Variants in SMARCAD1 observed in about 807,000 individuals in gnomAD.
The protein encoded by SMARCAD1 is SWI/SNF-related matrix-associated actin-dependent regulator of chromatin subfamily A containing DEAD/H box 1.
SMARCAD1 carries 25 observed loss-of-function variants against 127.1 expected under a neutral mutation model. The ratio of observed to expected loss-of-function variants is 0.20; its 90% CI spans 0.14 to 0.27. The LOEUF is 0.27. SMARCAD1 is among the 10% of genes least tolerant of loss of function. The pLI, the probability that SMARCAD1 is intolerant of heterozygous loss-of-function variation, is 1.00. For missense variants in SMARCAD1, 807 were observed against 1,206.0 expected (o/e 0.67, Z 4.90); for synonymous variants, 400 against 396.9 (o/e 1.01, Z -0.09).
intron 19 of SMARCAD1, among the ~76,000 whole-genome samples, chr4:94,280,297 A>T (rs536603891): frequency 6.6e-6 from 1 of 152,286 alleles, no homozygotes; most frequent in South Asian, 2.1e-4. Context: ...ATTTGATAAT[A>T]ACACCACCCT....
Position 94,274,870 on chromosome 4 carries a change from T to G in SMARCAD1, c.1733-20T>G. 1 of 1,603,514 alleles carries G rather than the reference T, an allele frequency of 6.2e-7. No homozygotes were observed. Among genetic ancestry groups the G allele is most frequent in the South Asian group, 1.1e-5 (1 of 90,838 alleles). On this transcript the variant is annotated intron_variant, in intron 13 of 23. Transcript: ENST00000354268. Reference sequence around the variant, plus strand: ...TACAGCACAATAAATAGTCATGTGTTTATTGTTTTTAAATTCTAGGTTCTC... The same window carrying G: ...TACAGCACAATAAATAGTCATGTGTGTATTGTTTTTAAATTCTAGGTTCTC...
chr4:94,276,866 A>G (rs575101540), intron 15 of SMARCAD1, among the ~76,000 whole-genome samples, 156 bp from the exon 16 acceptor site: 25 of 152,352 alleles, frequency 1.6e-4, no homozygotes, highest in African/African-American at 5.0e-4. Context: ...GCGGACGTCA[A>G]TTATTTAAAT....
chr4:94,281,275 T>C (rs371580989), intron 20 of SMARCAD1, among the ~76,000 whole-genome samples, 197 bp from the exon 21 acceptor site: 12 of 152,342 alleles, frequency 7.9e-5, no homozygotes, highest in African/African-American at 2.9e-4. Context: ...GTTAAGGCAG[T>C]TTATTCATAT....
At chr4:94,279,296 A>G (rs1400641065) in intron 19 of SMARCAD1, among the ~76,000 whole-genome samples, 4 of 152,056 alleles carry the variant, frequency 2.6e-5, no homozygotes, top group African/African-American at 9.7e-5. Flanking sequence ...ACAGGCACGC[A>G]CCACCATGCC....
intron 6 of SMARCAD1, among the ~76,000 whole-genome samples, chr4:94,243,136 A>G (rs1003429221): frequency 7.9e-5 from 12 of 151,916 alleles, no homozygotes; most frequent in Non-Finnish European, 1.5e-5. Context: ...TTTGTGTTTC[A>G]CCATATTAGC....
chr4:94,284,912 A>G (rs762027417), intron 22 of SMARCAD1, 48 bp from the exon 23 acceptor site: 7 of 1,114,054 alleles, frequency 6.3e-6, no homozygotes, highest in African/African-American at 1.6e-5. Context: ...CATATATCCA[A>G]ATAACTATAT....
chr4:94,252,864 G>T lies in SMARCAD1; in HGVS notation c.1138G>T (p.Val380Leu). Residue 380 changes from valine to leucine, a missense_variant, in exon 9 of 24, where the codon GTG (valine) becomes TTG (leucine). By Grantham distance (32) the Val-to-Leu change is conservative. Coordinates refer to ENST00000354268, the MANE Select transcript of SMARCAD1 (RefSeq NM_020159.5). ...TGAGGACTATAGTAGTGGTGAAGAA[G>T]TGATGGAGGATGGCTATAAAGGTAA... Reference protein sequence around the residue: ...LDEDYSSGEEVMEDGYKGKIL... With the variant: ...LDEDYSSGEELMEDGYKGKIL... The T allele has an allele frequency of 1.2e-6, 2 of 1,614,120 alleles. No homozygotes were observed. The highest frequency in any genetic ancestry group is 1.7e-6 in the Non-Finnish European group (2 of 1,179,998).
Position 94,264,898 on chromosome 4 carries a change from A to G in SMARCAD1, c.1473A>G (p.Leu491=). 1 of 1,610,624 alleles carries G rather than the reference A, an allele frequency of 6.2e-7. No individual in the cohort carries two copies. The highest frequency in any genetic ancestry group is 8.5e-7 in the Non-Finnish European group (1 of 1,177,202). The change falls in exon 10 of 24, where the codon CTA becomes CTG. Residue 491 remains leucine, a synonymous_variant. Transcript: ENST00000354268. ...GGAACATAGAACAACCTTCCATTCT[A>G]AACCAAAGGTAATCTTTGTTGAATA... ...GGWNIEQPSI[L]NQSLSLKPYQ...
intron 2 of SMARCAD1, among the ~76,000 whole-genome samples, chr4:94,222,423 C>G (rs969272010): frequency 6.6e-6 from 1 of 151,896 alleles, no homozygotes; most frequent in Non-Finnish European, 1.5e-5. Flanking sequence ...TGTATCATAG[C>G]TTTTCCTCAC....
At chr4:94,229,743 C>T (rs763792881) in intron 3 of SMARCAD1, among the ~76,000 whole-genome samples, 1 of 150,978 alleles carries the variant, frequency 6.6e-6, no homozygotes, top group African/African-American at 2.4e-5. Context: ...AGGAAATACT[C>T]GGGTGTAGGG....
chr4:94,214,202 C>A (rs188989954), intron 2 of SMARCAD1, among the ~76,000 whole-genome samples: 231 of 151,660 alleles, frequency 1.5e-3, no homozygotes, highest in African/African-American at 5.2e-3. Context: ...AAATAGGTAA[C>A]CTGATTGGGA....
At chr4:94,281,400 G>A in intron 20 of SMARCAD1, 72 bp from the exon 21 acceptor site, 1 of 1,027,480 alleles carries the variant, frequency 9.7e-7, no homozygotes, top group South Asian at 1.3e-5. Context: ...ACTTCTAACT[G>A]TTTAAACCTG....
chr4:94,226,838 G>C (rs1049565463), intron 3 of SMARCAD1, among the ~76,000 whole-genome samples: 1 of 151,884 alleles, frequency 6.6e-6, no homozygotes, highest in Non-Finnish European at 1.5e-5. Context: ...AAGAGGAATA[G>C]GGAGTTAGGG....
At chr4:94,214,449 A>G (rs1553912628) in intron 2 of SMARCAD1, among the ~76,000 whole-genome samples, 1 of 149,260 alleles carries the variant, frequency 6.7e-6, no homozygotes, top group Non-Finnish European at 1.5e-5. Flanking sequence ...TTGTATTTTT[A>G]GTAGAGACCC....
At chr4:94,284,917 CTATATT>C (rs968126075) in intron 22 of SMARCAD1, 37 bp from the exon 23 acceptor site, 1 of 1,155,122 alleles carries the variant, frequency 8.7e-7, no homozygotes, top group African/African-American at 1.5e-5. Flanking sequence ...ATCCAAATAA[CTATATT>C]TAGTAACCAA....
In SMARCAD1 at chr4:94,274,895, CAAG is replaced by C. The variant is rs1753046367; in HGVS notation, c.1744_1746del (p.Glu582del). ...TTATTGTTTTTAAATTCTAGGTTCTCAAGAAGAACGTAAACAAATTAGATTTAA... is the reference window on the plus strand; with the variant it reads ...TTATTGTTTTTAAATTCTAGGTTCTCAAGAACGTAAACAAATTAGATTTAA... On this transcript the variant is annotated inframe_deletion, in exon 14 of 24. Transcript: ENST00000354268. 2 of 1,602,742 alleles carry C rather than the reference CAAG, an allele frequency of 1.2e-6. No homozygotes were observed.
At chr4:94,235,256 T>TTG (rs1457670945) in intron 4 of SMARCAD1, among the ~76,000 whole-genome samples, 1 of 133,464 alleles carries the variant, frequency 7.5e-6, no homozygotes. Context: ...TTTTTTTTTT[T>TTG]TTAGCTTATT....
Position 94,273,720 on chromosome 4 carries a change from T to C in SMARCAD1, c.1672+4T>C, listed in dbSNP as rs1384194239. The C allele has an allele frequency of 6.9e-6, 11 of 1,604,484 alleles. No individual in the cohort carries two copies. Among genetic ancestry groups the C allele is most frequent in the Non-Finnish European group, 9.4e-6 (11 of 1,171,550 alleles). ...GTTGTTCCAGCTTCAACTATAGGTT[T>C]GTAATACTGGAGACAACTGTATTTA... On this transcript the variant is annotated splice_donor_region_variant and intron_variant, in intron 12 of 23. Transcript: ENST00000354268.
At chr4:94,243,960 TAA>T (rs1560533807) in intron 6 of SMARCAD1, among the ~76,000 whole-genome samples, 1 of 152,052 alleles carries the variant, frequency 6.6e-6, no homozygotes, top group Non-Finnish European at 1.5e-5. Flanking sequence ...TTTGGAAAGA[TAA>T]AAACATAACG....
Sources: allele counts gnomAD v4.1 joint callset (sites outside exome capture counted in the v4.1 genomes callset), GRCh38; gene constraint gnomAD v4.1.1; transcripts MANE v1.5; gene names NCBI Gene and HGNC (gene_info 2026-07-23, HGNC 2026-07-21).